MRTFA: variants seen among roughly 807,000 people sequenced by gnomAD.
The protein encoded by MRTFA is myocardin related transcription factor A, also known as myocardin-related transcription factor A.
In MRTFA, 20 loss-of-function variants were observed where a neutral mutation model predicts 83.5. The observed-to-expected ratio is 0.24, with a 90% CI of 0.17 to 0.35. The LOEUF (loss-of-function observed/expected upper bound fraction) is 0.35. Among genes scored for constraint, MRTFA ranks in the 10% least tolerant of loss-of-function variants. The pLI is 1.00. For synonymous variants in MRTFA, 659 were observed against 541.2 expected (o/e 1.22, Z -3.02); for missense variants, 1,200 against 1,224.7 (o/e 0.98, Z 0.30).
At chr22:40,459,074 CAAAA>C (rs748583788) in intron 4 of MRTFA, among the ~76,000 whole-genome samples, 1 of 87,294 alleles carries the variant, frequency 1.1e-5, no homozygotes. Context: ...GACTTTGTCT[CAAAA>C]AAAAAAAAAA....
chr22:40,625,937 T>C (rs2056577080), intron 1 of MRTFA, among the ~76,000 whole-genome samples: 1 of 18,364 alleles, frequency 5.4e-5, no homozygotes. Flanking sequence ...GTTCAAGTGA[T>C]TTCTTCTCAT....
intron 3 of MRTFA, among the ~76,000 whole-genome samples, chr22:40,470,794 C>T (rs1178830339): frequency 1.3e-5 from 2 of 150,858 alleles, no homozygotes; most frequent in South Asian, 4.2e-4. Flanking sequence ...ACTAAAAATA[C>T]AAAAATTAGC....
At chr22:40,464,073 C>T (rs1340174507) in intron 3 of MRTFA, among the ~76,000 whole-genome samples, 5 of 151,938 alleles carry the variant, frequency 3.3e-5, no homozygotes, top group East Asian at 1.9e-4. Flanking sequence ...AAGACCGAGG[C>T]GGGCGGATCA....
At chr22:40,423,148 G>C (rs560940688) in intron 9 of MRTFA, among the ~76,000 whole-genome samples, 1 of 152,348 alleles carries the variant, frequency 6.6e-6, no homozygotes, top group South Asian at 2.1e-4. Context: ...CCTTGAAGGA[G>C]GGGAACACCA....
chr22:40,618,150 C>T (rs1464396788), intron 1 of MRTFA, among the ~76,000 whole-genome samples: 1 of 151,592 alleles, frequency 6.6e-6, no homozygotes, highest in Non-Finnish European at 1.5e-5. Flanking sequence ...TCTCGGCTCA[C>T]TGCAAGCTCC....
chr22:40,427,871 G>A (rs1438159157), intron 7 of MRTFA, among the ~76,000 whole-genome samples: 2 of 152,122 alleles, frequency 1.3e-5, no homozygotes, highest in African/African-American at 4.8e-5. Context: ...AAGTGGGGGT[G>A]GGTATGTAGG....
chr22:40,417,410 G>T lies in MRTFA; in HGVS notation c.2448C>A (p.Thr816=), dbSNP rs2052705489. The T allele has an allele frequency of 1.2e-6, 2 of 1,610,940 alleles. No homozygotes were observed. The highest frequency in any genetic ancestry group is 1.7e-5 in the Admixed American group (1 of 59,808). The change falls in exon 13 of 15, where the codon ACC becomes ACA. Residue 816 remains threonine (T), a synonymous_variant. Transcript: ENST00000355630. Reference sequence around the variant, plus strand: ...GTTCCTTCTTCAGCAGAGAAGTGGGGGTCCCAAAGAGGGGCTGCAGTGGGT... The same window carrying T: ...GTTCCTTCTTCAGCAGAGAAGTGGGTGTCCCAAAGAGGGGCTGCAGTGGGT...
chr22:40,599,197 C>G (rs1031280228), intron 1 of MRTFA, among the ~76,000 whole-genome samples: 29 of 151,584 alleles, frequency 1.9e-4, no homozygotes, highest in Admixed American at 3.3e-4. Context: ...ACTCAGGAGG[C>G]TGAGGCAGGA....
intron 4 of MRTFA, among the ~76,000 whole-genome samples, chr22:40,437,348 A>C (rs772881765): frequency 1.3e-5 from 2 of 152,224 alleles, no homozygotes; most frequent in Non-Finnish European, 2.9e-5. Context: ...TAGCACATGC[A>C]TGAGACAGTA....
rs765448073 is a variant in MRTFA at position 40,424,329 on chromosome 22, GTCC to G, written c.651_653del (p.Glu217del). 2 of 1,613,730 alleles carry G rather than the reference GTCC, an allele frequency of 1.2e-6. No homozygotes were observed. Among genetic ancestry groups the G allele is most frequent in the Admixed American group, 3.3e-5 (2 of 59,956 alleles). ...GCTCGGGGGATAAGGCATCGCTGCT[GTCC>G]TCATCGAAGGAAGAGCTGTCTGCTA... On this transcript the variant is annotated inframe_deletion, in exon 8 of 15. Coordinates refer to ENST00000355630, the MANE Select transcript of MRTFA (RefSeq NM_020831.6).
At chr22:40,593,962 C>T (rs899596228) in intron 2 of MRTFA, among the ~76,000 whole-genome samples, 1 of 152,238 alleles carries the variant, frequency 6.6e-6, no homozygotes, top group Non-Finnish European at 1.5e-5. Flanking sequence ...GTAGCCTTTA[C>T]CTTGACAGGA....
chr22:40,412,007 A>G (rs2052560334), intron 14 of MRTFA, 100 bp from the exon 15 acceptor site: 2 of 1,060,668 alleles, frequency 1.9e-6, no homozygotes, highest in Non-Finnish European at 2.6e-6. Context: ...CACCATTTAC[A>G]AAAATAAAAC....
At chr22:40,534,351 C>T (rs2055131014) in intron 3 of MRTFA, among the ~76,000 whole-genome samples, 1 of 152,212 alleles carries the variant, frequency 6.6e-6, no homozygotes, top group African/African-American at 2.4e-5. Flanking sequence ...GAGCTGTAAT[C>T]TGTCTTTCAG....
chr22:40,600,834 C>T (rs1197439210), intron 1 of MRTFA, among the ~76,000 whole-genome samples: 1 of 152,028 alleles, frequency 6.6e-6, no homozygotes, highest in African/African-American at 2.4e-5. Context: ...AAAAATTAGC[C>T]GGCCGTGGTG....
At position 40,419,061 on chromosome 22, in the gene MRTFA, C is replaced by A; in HGVS notation, c.1677G>T (p.Glu559Asp). 1 of 1,610,240 alleles carries A rather than the reference C, an allele frequency of 6.2e-7. No individual in the cohort carries two copies. ...CATCGCCCGTGCTGAGCAGTGAGCG[C>A]TCCGAGGGGGTGGGAGACACGGGGG... is the stretch of plus-strand genomic sequence containing the variant. The change falls in exon 12 of 15, where the codon GAG (glutamate) becomes GAT (aspartate). Residue 559 changes from glutamate to aspartate, a missense_variant. Around this residue, in one of 2 missense-constraint regions of MRTFA, gnomAD observed 1,107 missense variants for 1,041.8 expected, o/e 1.06. Coordinates refer to ENST00000355630, the MANE Select transcript of MRTFA (RefSeq NM_020831.6).
chr22:40,542,209 C>G (rs180855600), intron 3 of MRTFA, among the ~76,000 whole-genome samples: 1 of 152,138 alleles, frequency 6.6e-6, no homozygotes, highest in African/African-American at 2.4e-5. Flanking sequence ...CCTCCTCCCA[C>G]CCCCTACCCC....
chr22:40,485,329 G>A (rs1045593698), intron 3 of MRTFA, among the ~76,000 whole-genome samples: 2 of 152,144 alleles, frequency 1.3e-5, no homozygotes, highest in African/African-American at 4.8e-5. Flanking sequence ...TACACACTGT[G>A]GGACAGACAA....
intron 2 of MRTFA, among the ~76,000 whole-genome samples, chr22:40,559,520 A>C (rs529282231): frequency 6.6e-6 from 1 of 152,288 alleles, no homozygotes; most frequent in East Asian, 1.9e-4. Context: ...CCTGGGCTCA[A>C]GTGATCCTCC....
chr22:40,570,332 T>G (rs1404425745), intron 2 of MRTFA, among the ~76,000 whole-genome samples: 1 of 151,702 alleles, frequency 6.6e-6, no homozygotes, highest in South Asian at 2.1e-4. Context: ...TCCCAGCACT[T>G]TGGGAGGCCG....
Sources: allele counts gnomAD v4.1 joint callset (sites outside exome capture counted in the v4.1 genomes callset), GRCh38; gene constraint gnomAD v4.1.1; regional missense constraint gnomAD v4.1.1; transcripts MANE v1.5; gene names NCBI Gene and HGNC (gene_info 2026-07-23, HGNC 2026-07-21).